DENND4C: variants seen among roughly 807,000 people sequenced by gnomAD.
The protein encoded by DENND4C is DENN domain-containing protein 4C.
Under a neutral mutation model 203.0 loss-of-function variants are expected in DENND4C, and 108 were observed. The observed-to-expected ratio is 0.53, with a 90% CI of 0.46 to 0.62. The LOEUF is 0.62. DENND4C is among the 20% of genes least tolerant of loss of function. The pLI is 0.00. For missense variants in DENND4C, 2,481 were observed against 2,301.2 expected (o/e 1.08, Z -1.60); for synonymous variants, 871 against 792.4 (o/e 1.10, Z -1.67).
chr9:19,260,322 A>G (rs1211439660), intron 1 of DENND4C, among the ~76,000 whole-genome samples: 3 of 151,760 alleles, frequency 2.0e-5, no homozygotes, highest in Non-Finnish European at 4.4e-5. Flanking sequence ...TTAAAACTGG[A>G]TTATTAGATT....
intron 1 of DENND4C, among the ~76,000 whole-genome samples, chr9:19,259,182 T>C (rs894716749): frequency 9.2e-5 from 14 of 152,204 alleles, no homozygotes; most frequent in Non-Finnish European, 1.8e-4. Flanking sequence ...TATCAAATAC[T>C]AGATCTTATT....
rs1282449868 is a variant in DENND4C, at chr9:19,328,248, C to T, written c.2253+86C>T. The stretch of plus-strand genomic sequence containing the variant: ...GCAGCTCATAGTTTAGAATGATCAC[C>T]CACAACAACCATTTGAAGACTCACT... On this transcript the variant is annotated intron_variant, in intron 16 of 32. Transcript: ENST00000434457. 6 of 1,254,774 alleles carry T rather than the reference C, an allele frequency of 4.8e-6. No individual in the cohort carries two copies. The African/African-American group carries it at 7.8e-5, about 16-fold the overall frequency. 77.7% of individuals were successfully genotyped at this position (1,254,774 alleles called of 1,614,324 possible).
chr9:19,319,429 T>C (rs1479428792), intron 12 of DENND4C, among the ~76,000 whole-genome samples: 2 of 145,642 alleles, frequency 1.4e-5, no homozygotes, highest in African/African-American at 5.0e-5. Context: ...TACATATATA[T>C]ATACACACAT....
chr9:19,256,268 T>TA (rs1205168114), intron 1 of DENND4C, among the ~76,000 whole-genome samples: 3 of 151,348 alleles, frequency 2.0e-5, no homozygotes, highest in Admixed American at 6.6e-5. Context: ...ACTTTATTTT[T>TA]AAAAAAATTT....
chr9:19,302,353 C>G (rs1360319073), intron 9 of DENND4C, among the ~76,000 whole-genome samples: 2 of 152,244 alleles, frequency 1.3e-5, no homozygotes, highest in African/African-American at 4.8e-5. Context: ...TATAGTGTTG[C>G]AAAAAGGCAA....
chr9:19,306,760 T>TTTA (rs1344765566), intron 10 of DENND4C, among the ~76,000 whole-genome samples: 5 of 136,988 alleles, frequency 3.6e-5, no homozygotes, highest in African/African-American at 1.7e-4. Context: ...TATTTATTTA[T>TTTA]TTATTTATTT....
chr9:19,294,718 GA>G (rs1479606874), intron 5 of DENND4C, among the ~76,000 whole-genome samples: 2 of 152,172 alleles, frequency 1.3e-5, no homozygotes, highest in African/African-American at 4.8e-5. Flanking sequence ...AACAAGGAAT[GA>G]AATTCAGATA....
chr9:19,319,349 T>TATACAC (rs1554634063), intron 12 of DENND4C, among the ~76,000 whole-genome samples: 1 of 51,884 alleles, frequency 1.9e-5, no homozygotes, highest in African/African-American at 5.4e-5. Context: ...CATATATATA[T>TATACAC]ACTTATATAT....
At chr9:19,288,012 G>A (rs1454436126) in intron 3 of DENND4C, among the ~76,000 whole-genome samples, 1 of 152,228 alleles carries the variant, frequency 6.6e-6, no homozygotes, top group Non-Finnish European at 1.5e-5. Flanking sequence ...GGGATTACAG[G>A]CGCAAGCCAC....
chr9:19,356,684 T>C (rs1395068333), intron 26 of DENND4C, among the ~76,000 whole-genome samples: 1 of 151,926 alleles, frequency 6.6e-6, no homozygotes, highest in Non-Finnish European at 1.5e-5. Flanking sequence ...TTAGTGGTTC[T>C]CAAAAATTGG....
At chr9:19,344,396 C>CAATT (rs1822340081) in intron 22 of DENND4C, among the ~76,000 whole-genome samples, 1 of 152,176 alleles carries the variant, frequency 6.6e-6, no homozygotes, top group Non-Finnish European at 1.5e-5. Flanking sequence ...ATTTGGCAGG[C>CAATT]TGGAGGGAAA....
chr9:19,296,360 T>C, intron 6 of DENND4C, 114 bp downstream of exon 6: 1 of 706,054 alleles, frequency 1.4e-6, no homozygotes. Flanking sequence ...TGCATTTAAC[T>C]GAACTTTTTT....
rs1190876232 is a variant in DENND4C at position 19,335,709 on chromosome 9, T to TATTCAGGCTA, written c.2590-560_2590-559insTTCAGGCTAA. On this transcript the variant is annotated intron_variant, in intron 18 of 32. Transcript: ENST00000434457. ...GTTTCCTTTTTTATTTCAGGCTGAA[T>TATTCAGGCTA]AGTATCTCGTTGTGTATATATACCA... 2.0e-5 allele frequency among the ~76,000 whole-genome samples: 3 copies of TATTCAGGCTA among 152,232 alleles called. No individual in the cohort carries two copies. The East Asian group carries it at 5.8e-4, about 29-fold the overall frequency.
Position 19,335,037 on chromosome 9 carries a change from A to G in DENND4C, c.2521A>G (p.Arg841Gly), listed in dbSNP as rs1820133574. 1 of 1,612,578 alleles carries G rather than the reference A, an allele frequency of 6.2e-7. No individual in the cohort carries two copies. Among genetic ancestry groups the G allele is most frequent in the Non-Finnish European group, 8.5e-7 (1 of 1,179,332 alleles). The change falls in exon 18 of 33, where the codon AGA becomes GGA. Residue 841 changes from arginine (R) to glycine (G), a missense_variant. By Grantham distance (125) the Arg-to-Gly change is moderately radical. Transcript: ENST00000434457. Reference sequence around the variant, plus strand: ...TTGGGGTCATCCTGTTTTAGCAGTGAGAGTCTTATTTGAAATGAAAACTGC... The same window carrying G: ...TTGGGGTCATCCTGTTTTAGCAGTGGGAGTCTTATTTGAAATGAAAACTGC... ...GLWGHPVLAV[R>G]VLFEMKTARI...
intron 1 of DENND4C, among the ~76,000 whole-genome samples, chr9:19,243,595 A>G (rs1398951293): frequency 1.3e-5 from 2 of 152,162 alleles, no homozygotes; most frequent in Non-Finnish European, 2.9e-5. Flanking sequence ...GGATATTCCT[A>G]CAAGTGGACT....
intron 31 of DENND4C, 116 bp downstream of exon 31, chr9:19,370,103 A>T (rs1454692507): frequency 8.0e-7 from 1 of 1,248,170 alleles, no homozygotes; most frequent in African/African-American, 1.5e-5. Context: ...ATTGCAAAAC[A>T]TCTATTGTTT....
Position 19,305,536 on chromosome 9 carries a change from A to G in DENND4C, c.1487+9A>G. ...ACGAACATGTTATATGTGTAAGTTG[A>G]TTCATTTTATATTATCTCCCATTTA... On this transcript the variant is annotated intron_variant, in intron 10 of 32. Transcript: ENST00000434457. The G allele has an allele frequency of 6.2e-7, 1 of 1,604,998 alleles. No individual in the cohort carries two copies. The highest frequency in any genetic ancestry group is 1.7e-4 in the Middle Eastern group (1 of 6,036).
chr9:19,347,754 G>C lies in DENND4C; in HGVS notation c.4317+668G>C, dbSNP rs1331846102. 2.6e-5 allele frequency among the ~76,000 whole-genome samples: 4 copies of C among 152,272 alleles called. No homozygotes were observed. The South Asian group carries it at 6.2e-4, about 24-fold the overall frequency. On this transcript the variant is annotated intron_variant, in intron 23 of 32. Coordinates refer to ENST00000434457, the MANE Select transcript of DENND4C (RefSeq NM_001330640.2). ...ATTTCTTTGAAAGCTCTAATGATTA[G>C]TGTTTGAAGTTAATAAAAATGCCAT...
chr9:19,373,404 C>T lies in DENND4C; in HGVS notation c.*1231C>T, dbSNP rs1829160861. ...AAATGCTAAAGTGTATGTCATTGAA[C>T]ATGAAATCTTTTTTCAGGCACATAC... On this transcript the variant is annotated 3_prime_UTR_variant, in exon 33 of 33. Transcript: ENST00000434457. 6.6e-6 allele frequency: 1 copy of T among 152,592 alleles called. No individual in the cohort carries two copies. Among genetic ancestry groups the T allele is most frequent in the Non-Finnish European group, 1.5e-5 (1 of 68,024 alleles). The allele number at this position is 152,592 out of a possible 1,614,324, so 9.5% of individuals were successfully genotyped here.
Sources: allele counts gnomAD v4.1 joint callset (sites outside exome capture counted in the v4.1 genomes callset), GRCh38; gene constraint gnomAD v4.1.1; transcripts MANE v1.5; gene names NCBI Gene and HGNC (gene_info 2026-07-23, HGNC 2026-07-21).